Variants in AP3B1 observed in about 807,000 individuals in gnomAD.
AP3B1 encodes the protein AP-3 complex subunit beta-1.
A neutral mutation model predicts 132.5 loss-of-function variants in AP3B1; 61 were observed. The ratio of observed to expected loss-of-function variants is 0.46; its 90% CI spans 0.37 to 0.57. The LOEUF is 0.57. Ranked by LOEUF, AP3B1 falls within the 20% of genes least tolerant of loss-of-function variation. AP3B1 has a pLI of 0.00. For missense variants in AP3B1, 1,120 were observed against 1,289.4 expected, an observed-to-expected ratio of 0.87 and a Z score of 2.01; for synonymous variants, 388 against 438.3, an observed-to-expected ratio of 0.89 and a Z score of 1.43.
intron 23 of AP3B1, among the ~76,000 whole-genome samples, chr5:78,038,087 G>A (rs1054616327): frequency 3.9e-5 from 6 of 152,186 alleles, no homozygotes; most frequent in Non-Finnish European, 8.8e-5. Context: ...TGGAAAGTGC[G>A]AGCCAAAGCT....
At chr5:78,228,359 AT>A in intron 3 of AP3B1, 120 bp from the exon 4 acceptor site, 1 of 654,342 alleles carries the variant, frequency 1.5e-6, no homozygotes, top group Non-Finnish European at 2.6e-6. Context: ...CACATGTTAG[AT>A]TGTAAAATAA....
At chr5:78,060,189 G>T (rs1748983907) in intron 22 of AP3B1, among the ~76,000 whole-genome samples, 1 of 152,136 alleles carries the variant, frequency 6.6e-6, no homozygotes, top group Non-Finnish European at 1.5e-5. Flanking sequence ...GTTTATAAAA[G>T]TTATACCGAG....
chr5:78,087,401 A>G (rs1165555080), intron 22 of AP3B1: 2 of 399,420 alleles, frequency 5.0e-6, no homozygotes, highest in African/African-American at 4.4e-5. Context: ...TGGATGTGCT[A>G]TTAGGAGCCA....
chr5:78,285,346 G>A (rs900033133), intron 1 of AP3B1, among the ~76,000 whole-genome samples: 11 of 151,778 alleles, frequency 7.2e-5, no homozygotes, highest in Non-Finnish European at 1.3e-4. Context: ...TAAACTGCTT[G>A]TCACGGTCAC....
Position 78,227,375 on chromosome 5 carries a change from T to C in AP3B1, c.533A>G (p.Tyr178Cys). The C allele has an allele frequency of 6.2e-7, 1 of 1,613,240 alleles. No individual in the cohort carries two copies. The highest frequency in any genetic ancestry group is 1.3e-5 in the African/African-American group (1 of 75,002). The change falls in exon 5 of 27, where the codon TAC becomes TGC. Residue 178 changes from tyrosine (Y) to cysteine (C), a missense_variant. Tyr to Cys is a radical substitution (Grantham distance 194). This residue lies in a region of AP3B1 where 129 missense variants were observed against 212.4 expected (regional missense o/e 0.61). Transcript: ENST00000255194. The stretch of plus-strand genomic sequence containing the variant: ...ATATTGTTAACAATGCACCTACCTG[T>C]ATAATTTTTGTATTGCATGGGCTGC... Reference protein sequence around the residue: ...KNAAHAIQKLYSLDPEQKEML... With the variant: ...KNAAHAIQKLCSLDPEQKEML...
intron 3 of AP3B1, among the ~76,000 whole-genome samples, chr5:78,234,978 G>A (rs1746809521): frequency 6.6e-6 from 1 of 152,040 alleles, no homozygotes; most frequent in African/African-American, 2.4e-5. Context: ...TGGTGTATGT[G>A]GGTGTGTGGG....
intron 24 of AP3B1, among the ~76,000 whole-genome samples, chr5:78,024,604 G>A (rs1205787272): frequency 1.2e-4 from 16 of 131,724 alleles, no homozygotes; most frequent in South Asian, 4.8e-4. Flanking sequence ...TCACTCTGTC[G>A]CCCAGGCTGG....
chr5:78,122,249 G>A (rs554457441), intron 17 of AP3B1, among the ~76,000 whole-genome samples: 8 of 152,260 alleles, frequency 5.3e-5, no homozygotes, highest in African/African-American at 1.9e-4. Flanking sequence ...CATACAGCAT[G>A]GGCAAAAACT....
At chr5:78,197,097 T>A (rs1378934745) in intron 7 of AP3B1, among the ~76,000 whole-genome samples, 1 of 152,206 alleles carries the variant, frequency 6.6e-6, no homozygotes, top group Non-Finnish European at 1.5e-5. Flanking sequence ...GTTTTGCATG[T>A]GTGGAGGTAG....
intron 14 of AP3B1, 115 bp downstream of exon 14, chr5:78,156,143 T>C (rs1354010543): frequency 4.0e-6 from 3 of 744,130 alleles, no homozygotes; most frequent in African/African-American, 1.8e-5. Context: ...ATCTCAGAAT[T>C]GGAATCCAGA....
intron 14 of AP3B1, among the ~76,000 whole-genome samples, chr5:78,155,449 A>G (rs1743108732): frequency 6.6e-6 from 1 of 152,096 alleles, no homozygotes; most frequent in Admixed American, 6.6e-5. Flanking sequence ...TTTGTGTGTA[A>G]TTAGTTGCTA....
At chr5:78,137,985 A>G (rs923679888) in intron 15 of AP3B1, among the ~76,000 whole-genome samples, 1 of 152,186 alleles carries the variant, frequency 6.6e-6, no homozygotes, top group Non-Finnish European at 1.5e-5. Flanking sequence ...CTTCACGGCA[A>G]ACCAGCTACT....
rs150412925 is a variant in AP3B1 at position 78,149,359 on chromosome 5, A to G, written c.1473+6899T>C. 1.1e-3 allele frequency among the ~76,000 whole-genome samples: 164 copies of G among 152,330 alleles called. 1 individual carries two copies. Among genetic ancestry groups the G allele is most frequent in the African/African-American group, 3.8e-3 (160 of 41,588 alleles). ...GTTTTCTCAAATATAAAATAGGAAT[A>G]TTAAGAGAACTTTCCTTGAAGTGTT... On this transcript the variant is annotated intron_variant, in intron 14 of 26. Coordinates refer to ENST00000255194, the MANE Select transcript of AP3B1 (RefSeq NM_003664.5).
chr5:78,168,027 A>AC (rs1743727826), intron 11 of AP3B1, among the ~76,000 whole-genome samples: 1 of 151,276 alleles, frequency 6.6e-6, no homozygotes. Flanking sequence ...AAAAAAAAAA[A>AC]ACAAAAAAAA....
In AP3B1 at chr5:78,165,593, T is replaced by G. The variant is rs745753308; in HGVS notation, c.1230+17A>C. ...ATATGTTTTAGAAGTTTTTTATAAT[T>G]AGCACTGTACACAAACCTGAAATTC... On this transcript the variant is annotated intron_variant, in intron 12 of 26. Coordinates refer to ENST00000255194, the MANE Select transcript of AP3B1 (RefSeq NM_003664.5). 6.3e-7 allele frequency: 1 copy of G among 1,576,180 alleles called. No homozygotes were observed. The highest frequency in any genetic ancestry group is 8.7e-7 in the Non-Finnish European group (1 of 1,147,048).
intron 15 of AP3B1, among the ~76,000 whole-genome samples, chr5:78,135,710 T>A (rs16875191): frequency 6.6e-6 from 1 of 152,190 alleles, no homozygotes; most frequent in African/African-American, 2.4e-5. Context: ...ATAGCACTTA[T>A]CACTACATTT....
intron 21 of AP3B1, among the ~76,000 whole-genome samples, chr5:78,094,742 G>A (rs994968227): frequency 1.4e-4 from 22 of 151,954 alleles, no homozygotes; most frequent in Admixed American, 1.4e-3. Context: ...GTGCAGTGGT[G>A]TGATCTTGGC....
chr5:78,175,753 C>A (rs770431238), intron 10 of AP3B1, 31 bp downstream of exon 10: 10 of 1,609,344 alleles, frequency 6.2e-6, no homozygotes, highest in Non-Finnish European at 8.5e-6. Flanking sequence ...GTTCATGTGT[C>A]TCTTAAATTA....
intron 24 of AP3B1, among the ~76,000 whole-genome samples, chr5:78,021,973 G>A (rs543790144): frequency 1.3e-5 from 2 of 152,248 alleles, no homozygotes; most frequent in East Asian, 1.9e-4. Flanking sequence ...GAGAAACAGG[G>A]ATTGTGGATA....
Sources: gnomAD v4.1 joint callset for allele counts (sites outside exome capture counted in the v4.1 genomes callset) on GRCh38, gnomAD v4.1.1 for gene constraint, gnomAD v4.1.1 regional missense constraint, MANE v1.5 for transcripts, NCBI Gene and HGNC (gene_info 2026-07-23, HGNC 2026-07-21) for gene names.